The following SNX14 variants were observed in gnomAD, a reference collection of about 807,000 sequenced individuals.
The protein encoded by SNX14 is sorting nexin 14.
In SNX14, 93 loss-of-function variants were observed where a neutral mutation model predicts 133.8. That is an observed-to-expected ratio of 0.70 (90% CI 0.59 to 0.83). The LOEUF (loss-of-function observed/expected upper bound fraction) is 0.83. Among genes scored for constraint, SNX14 ranks in the 40% least tolerant of loss-of-function variants. The pLI, the probability that SNX14 is intolerant of heterozygous loss-of-function variation, is 0.00. For missense variants in SNX14, 945 were observed against 1,094.9 expected, an observed-to-expected ratio of 0.86 and a Z score of 1.93; for synonymous variants, 368 against 365.6, an observed-to-expected ratio of 1.01 and a Z score of -0.07.
intron 26 of SNX14, 180 bp from the exon 27 acceptor site, chr6:85,508,239 T>G (rs970164662): frequency 7.8e-6 from 10 of 1,283,456 alleles, no homozygotes; most frequent in Middle Eastern, 3.0e-4. Flanking sequence ...ATGGTCAAGT[T>G]GACAAATGCA....
At chr6:85,583,107 A>G (rs1469413723) in intron 1 of SNX14, among the ~76,000 whole-genome samples, 2 of 152,200 alleles carry the variant, frequency 1.3e-5, no homozygotes, top group East Asian at 3.8e-4. Context: ...TTCAACATAC[A>G]CAAATCAATA....
intron 15 of SNX14, among the ~76,000 whole-genome samples, chr6:85,541,658 T>C (rs2128061374): frequency 6.6e-6 from 1 of 152,322 alleles, no homozygotes; most frequent in African/African-American, 2.4e-5. Context: ...AAGTTTTCTC[T>C]AAAACGTTTA....
chr6:85,551,532 T>G (rs938870118), intron 7 of SNX14, among the ~76,000 whole-genome samples: 3 of 152,216 alleles, frequency 2.0e-5, no homozygotes, highest in Admixed American at 1.3e-4. Flanking sequence ...CAATCAGATT[T>G]TAATCCTTCA....
intron 17 of SNX14, 59 bp from the exon 18 acceptor site, chr6:85,533,859 A>G: frequency 3.7e-6 from 5 of 1,343,840 alleles, no homozygotes. Flanking sequence ...ACTACAGCAT[A>G]TGAGATACAA....
chr6:85,526,075 G>T (rs1195474009), intron 21 of SNX14, 51 bp downstream of exon 21: 1 of 1,198,612 alleles, frequency 8.3e-7, no homozygotes, highest in Non-Finnish European at 1.2e-6. Flanking sequence ...ATCTGAAAAT[G>T]CTGATTCTTT....
chr6:85,539,866 A>C (rs1029956852), intron 15 of SNX14, among the ~76,000 whole-genome samples: 8 of 151,972 alleles, frequency 5.3e-5, no homozygotes, highest in Non-Finnish European at 1.0e-4. Context: ...CAAGTGTTCT[A>C]AAAGTAGCCA....
At chr6:85,548,055 G>C (rs975702971) in intron 9 of SNX14, among the ~76,000 whole-genome samples, 3 of 152,154 alleles carry the variant, frequency 2.0e-5, no homozygotes, top group Non-Finnish European at 2.9e-5. Context: ...CAAATTCATG[G>C]AGACAGAAAG....
intron 4 of SNX14, among the ~76,000 whole-genome samples, chr6:85,571,119 G>A (rs1332194562): frequency 7.2e-5 from 11 of 152,036 alleles, no homozygotes; most frequent in East Asian, 1.9e-4. Flanking sequence ...TTGGGAGGCC[G>A]ACGTGGGTGG....
intron 20 of SNX14, among the ~76,000 whole-genome samples, chr6:85,526,845 G>C (rs1163476231): frequency 1.3e-5 from 2 of 152,142 alleles, no homozygotes; most frequent in Non-Finnish European, 2.9e-5. Flanking sequence ...TGATACAGTG[G>C]ATCACCTGAG....
At chr6:85,553,916 G>A (rs1189226051) in intron 7 of SNX14, among the ~76,000 whole-genome samples, 1 of 152,064 alleles carries the variant, frequency 6.6e-6, no homozygotes, top group East Asian at 1.9e-4. Flanking sequence ...TAAATCACCA[G>A]ATTGGAATCT....
rs532312988 is a variant in SNX14, at chr6:85,563,627, G to T, written c.549+1705C>A. 1.1e-3 allele frequency among the ~76,000 whole-genome samples: 168 copies of T among 152,072 alleles called. 1 individual carries two copies. The highest frequency in any genetic ancestry group is 4.1e-3 in the African/African-American group (168 of 41,476). On this transcript the variant is annotated intron_variant, in intron 6 of 28. Transcript: ENST00000314673. The stretch of plus-strand genomic sequence containing the variant: ...AGGCTGGTCTTGAACTCCTGACCTC[G>T]AGTGGTCCGCCCACCTAGGCCTCCC...
chr6:85,590,851 T>G (rs1479568784), intron 1 of SNX14, among the ~76,000 whole-genome samples: 35 of 152,228 alleles, frequency 2.3e-4, no homozygotes, highest in Admixed American at 2.3e-3. Context: ...AACAGCTTCA[T>G]GAATTTCCTT....
At chr6:85,518,147 A>C (rs1042743590) in intron 21 of SNX14, 99 bp from the exon 22 acceptor site, 3 of 939,298 alleles carry the variant, frequency 3.2e-6, no homozygotes, top group Non-Finnish European at 4.9e-6. Context: ...CGAAATAGCC[A>C]AGTTAAAACT....
intron 21 of SNX14, among the ~76,000 whole-genome samples, chr6:85,524,050 C>T (rs1190931408): frequency 1.4e-4 from 22 of 151,872 alleles, no homozygotes; most frequent in African/African-American, 9.7e-5. Flanking sequence ...GGCTAGGTGG[C>T]GTGTGCCTGT....
chr6:85,558,473 T>C (rs1790464212), intron 6 of SNX14, among the ~76,000 whole-genome samples: 1 of 152,144 alleles, frequency 6.6e-6, no homozygotes, highest in Non-Finnish European at 1.5e-5. Context: ...TTTGGGTTTT[T>C]GTTGTTTTTT....
chr6:85,593,506 G>A, intron 1 of SNX14, 73 bp downstream of exon 1: 1 of 1,527,058 alleles, frequency 6.5e-7, no homozygotes, highest in Non-Finnish European at 8.8e-7. Context: ...CCTCCGCACG[G>A]TTAAGCAGCA....
chr6:85,508,247 G>A (rs1351446584), intron 26 of SNX14, 188 bp from the exon 27 acceptor site: 6 of 1,232,818 alleles, frequency 4.9e-6, no homozygotes, highest in African/African-American at 1.6e-5. Context: ...GTTGACAAAT[G>A]CAGTATCATG....
At position 85,574,272 on chromosome 6, in the gene SNX14, T is replaced by C; in HGVS notation, c.247A>G (p.Lys83Glu). ...CATAATTTTACCTTGGGTTTGTATT[T>C]TATTGTGAAGAATATATTTGGTAAG... Reference protein sequence around the residue: ...SLLPNIFFTIKYKPKQLGLQE... With the variant: ...SLLPNIFFTIEYKPKQLGLQE... The change falls in exon 2 of 29, where the codon AAA becomes GAA. Residue 83 changes from lysine (K) to glutamate (E), a missense_variant. Coordinates refer to ENST00000314673, the MANE Select transcript of SNX14 (RefSeq NM_153816.6). The C allele has an allele frequency of 6.3e-7, 1 of 1,586,466 alleles. No homozygotes were observed. The highest frequency in any genetic ancestry group is 8.6e-7 in the Non-Finnish European group (1 of 1,161,096).
chr6:85,532,956 G>A (rs562697321), intron 18 of SNX14, among the ~76,000 whole-genome samples: 72 of 152,022 alleles, frequency 4.7e-4, no homozygotes, highest in Non-Finnish European at 9.7e-4. Context: ...ACACGATCTC[G>A]ACTCACTGCA....
Sources: allele counts gnomAD v4.1 joint callset (sites outside exome capture counted in the v4.1 genomes callset), GRCh38; gene constraint gnomAD v4.1.1; transcripts MANE v1.5; gene names NCBI Gene and HGNC (gene_info 2026-07-23, HGNC 2026-07-21).